CD8A: variants seen among roughly 807,000 people sequenced by gnomAD.
The protein encoded by CD8A is CD8 subunit alpha.
Under a neutral mutation model 24.2 loss-of-function variants are expected in CD8A, and 25 were observed. That is an observed-to-expected ratio of 1.03 (90% CI 0.75 to 1.44). The LOEUF is 1.44. CD8A is among the 40% of genes most tolerant of loss of function. The probability of loss-of-function intolerance (pLI) is 0.00; values close to 1 mark genes in which losing one functional copy is unlikely to be tolerated. For missense variants in CD8A, 360 were observed against 319.7 expected, an observed-to-expected ratio of 1.13 and a Z score of -0.96; for synonymous variants, 165 against 149.9, an observed-to-expected ratio of 1.10 and a Z score of -0.74.
rs755063302 is a variant in CD8A, at chr2:86,788,569, G to A, written c.626-9C>T. The A allele has an allele frequency of 6.2e-7, 1 of 1,612,302 alleles. No individual in the cohort carries two copies. The highest frequency in any genetic ancestry group is 2.2e-5 in the East Asian group (1 of 44,878). ...AACACGTCTTCGGTTCCCTGGATAA[G>A]GAAAAAGAAGGGAAAAAGTGAGTGC... is the stretch of plus-strand genomic sequence containing the variant. On this transcript the variant is annotated splice_polypyrimidine_tract_variant and intron_variant, in intron 4 of 5. Transcript: ENST00000283635.
rs368774730 is a variant in CD8A at position 86,790,324 on chromosome 2, G to A, written c.403+4C>T. On this transcript the variant is annotated splice_donor_region_variant and intron_variant, in intron 2 of 5. Transcript: ENST00000283635. ...GGAGAGGTGCCGCAACCCGGCGCGC[G>A]GACCTGGCAGGAAGACCGGCACGAA... 6.8e-6 allele frequency: 11 copies of A among 1,610,254 alleles called. No homozygotes were observed. The African/African-American group carries it at 9.3e-5, about 14-fold the overall frequency.
upstream of CD8A, chr2:86,791,835 C>CG (rs1233123973): frequency 2.8e-6 from 1 of 361,178 alleles, no homozygotes; most frequent in Non-Finnish European, 5.5e-6. Flanking sequence ...CTTGCACTTG[C>CG]GGTCCCTCGG....
chr2:86,793,882 C>T (rs1284753506), upstream of CD8A, among the ~76,000 whole-genome samples: 1 of 152,176 alleles, frequency 6.6e-6, no homozygotes, highest in Non-Finnish European at 1.5e-5. Flanking sequence ...GTGGCAGCCC[C>T]TTTGTACAGA....
upstream of CD8A, among the ~76,000 whole-genome samples, chr2:86,792,570 C>G (rs1009763864): frequency 1.3e-5 from 2 of 151,702 alleles, no homozygotes; most frequent in Non-Finnish European, 2.9e-5. Flanking sequence ...CCTCGGCTCA[C>G]TGCAGCCTCT....
intron 3 of CD8A, among the ~76,000 whole-genome samples, chr2:86,799,246 T>A (rs1469920190): frequency 6.6e-6 from 1 of 152,218 alleles, no homozygotes; most frequent in Non-Finnish European, 1.5e-5. Context: ...CTCGTTCTCC[T>A]TTCTGGCCTA....
chr2:86,794,416 A>ATC (rs982121599), upstream of CD8A, among the ~76,000 whole-genome samples: 28 of 152,172 alleles, frequency 1.8e-4, no homozygotes, highest in African/African-American at 6.5e-4. Flanking sequence ...ATGGCTGGGA[A>ATC]ATTGCCTGCT....
intron 2 of CD8A, 29 bp downstream of exon 2, chr2:86,790,299 G>A: frequency 6.6e-7 from 1 of 1,514,022 alleles, no homozygotes; most frequent in South Asian, 1.1e-5. Flanking sequence ...AGCCCCACGC[G>A]GAGAGGTGCC....
chr2:86,803,383 C>A (rs987534930), intron 2 of CD8A, among the ~76,000 whole-genome samples: 1 of 151,950 alleles, frequency 6.6e-6, no homozygotes, highest in African/African-American at 2.4e-5. Flanking sequence ...CATCAATGGA[C>A]GAATGGTTTA....
intron 2 of CD8A, among the ~76,000 whole-genome samples, chr2:86,805,064 A>C (rs2104465833): frequency 6.6e-6 from 1 of 152,020 alleles, no homozygotes; most frequent in Middle Eastern, 3.4e-3. Flanking sequence ...AAGCCTTCCT[A>C]AGTGTTGGGA....
intron 3 of CD8A, among the ~76,000 whole-genome samples, chr2:86,798,100 T>C (rs1293007236): frequency 6.6e-6 from 1 of 152,222 alleles, no homozygotes; most frequent in East Asian, 1.9e-4. Flanking sequence ...CATTATGAAA[T>C]GTTCGTCTTT....
At chr2:86,787,898 A>AGAGAGAGAGTGTGTGTGTGTGTGTGT (rs369993109) in intron 5 of CD8A, among the ~76,000 whole-genome samples, 1 of 144,490 alleles carries the variant, frequency 6.9e-6, no homozygotes, top group African/African-American at 2.6e-5. Context: ...AGAGAGAGAG[A>AGAGAGAGAGTGTGTGTGTGTGTGTGT]GTGTGTGTGT....
Position 86,798,105 on chromosome 2 carries a change from G to A in CD8A, c.-271+3406C>T, listed in dbSNP as rs535601140. On this transcript the variant is annotated intron_variant, in intron 3 of 8. Transcript: ENST00000409511. ...ACTCTTTTATCATTATGAAATGTTC[G>A]TCTTTACCTCTGCCTCTGGTAATAC... Among the ~76,000 whole-genome samples, 9 of 151,808 alleles carry A rather than the reference G, an allele frequency of 5.9e-5. No homozygotes were observed. In the South Asian group the frequency reaches 1.0e-3, roughly 18 times the overall value.
At position 86,785,618 on chromosome 2, in the gene CD8A, C is replaced by G. The variant is rs1672965540; in HGVS notation, c.*302G>C. On this transcript the variant is annotated 3_prime_UTR_variant, in exon 6 of 6. Transcript: ENST00000283635. ...AGAGGTTGAGATGGCATGGGTGCCT[C>G]CAGCTCTCTCAGCATGATTCTGAGA... 1 of 607,892 alleles carries G rather than the reference C, an allele frequency of 1.6e-6. No individual in the cohort carries two copies. Among genetic ancestry groups the G allele is most frequent in the Non-Finnish European group, 3.1e-6 (1 of 325,878 alleles). The allele number at this position is 607,892 out of a possible 1,614,324, so 37.7% of individuals were successfully genotyped here. A position where few individuals can be genotyped will look rare whatever the true frequency, so the allele number is the denominator to read the frequency against.
At chr2:86,787,457 C>T (rs1673065927) in intron 5 of CD8A, among the ~76,000 whole-genome samples, 1 of 152,004 alleles carries the variant, frequency 6.6e-6, no homozygotes, top group Non-Finnish European at 1.5e-5. Flanking sequence ...GTCGGTTATC[C>T]TTAACACTTC....
chr2:86,791,654 A>T (rs1237845956), upstream of CD8A: 3 of 454,050 alleles, frequency 6.6e-6, no homozygotes, highest in Non-Finnish European at 1.3e-5. Flanking sequence ...GCAGCCTCCC[A>T]TGGCCTGCAT....
chr2:86,806,619 G>C (rs1436147191), intron 2 of CD8A, among the ~76,000 whole-genome samples: 1 of 152,228 alleles, frequency 6.6e-6, no homozygotes, highest in Admixed American at 6.5e-5. Flanking sequence ...GTTGGCTCAC[G>C]CATCTAATCC....
intron 3 of CD8A, 47 bp downstream of exon 3, chr2:86,789,593 T>C: frequency 1.4e-6 from 2 of 1,399,628 alleles, no homozygotes; most frequent in Non-Finnish European, 1.9e-6. Context: ...GCATGGGCTC[T>C]CCCCGCGGTG....
In CD8A at chr2:86,789,661, G is replaced by C. The variant is rs1239482168; in HGVS notation, c.493C>G (p.Arg165Gly). Residue 165 changes from arginine (R) to glycine (G), a missense_variant, in exon 3 of 6, where the codon CGG becomes GGG. Coordinates refer to ENST00000283635, the MANE Select transcript of CD8A (RefSeq NM_001768.7). ...TCACCTGCGCCCCCCGCCGCTGGCC[G>C]GCACGCCTCTGGGCGCAGGGACAGG... ...QPLSLRPEAC[R>G]PAAGGAVHTR... 12 of 1,481,768 alleles carry C rather than the reference G, an allele frequency of 8.1e-6. No homozygotes were observed. The highest frequency in any genetic ancestry group is 3.9e-5 in the South Asian group (3 of 76,144). 91.8% of individuals were successfully genotyped at this position (1,481,768 alleles called of 1,614,324 possible).
intron 3 of CD8A, among the ~76,000 whole-genome samples, chr2:86,796,471 A>G (rs1440776595): frequency 6.6e-6 from 1 of 152,228 alleles, no homozygotes; most frequent in Non-Finnish European, 1.5e-5. Context: ...TTGAAATATA[A>G]TTGGGAGAAT....
Sources: gnomAD v4.1 joint callset for allele counts (sites outside exome capture counted in the v4.1 genomes callset) on GRCh38, gnomAD v4.1.1 for gene constraint, MANE v1.5 for transcripts, NCBI Gene and HGNC (gene_info 2026-07-23, HGNC 2026-07-21) for gene names.